Variants in PCDHGB5 observed in about 807,000 individuals in gnomAD.
The protein encoded by PCDHGB5 is protocadherin gamma subfamily B, 5.
In PCDHGB5, 48 loss-of-function variants were observed where a neutral mutation model predicts 62.9. That is an observed-to-expected ratio of 0.76 (90% confidence interval 0.61 to 0.97). The LOEUF is 0.97. Ranked by LOEUF, PCDHGB5 falls within the 50% of genes least tolerant of loss-of-function variation. The pLI is 0.00. For synonymous variants in PCDHGB5, 474 were observed against 511.2 expected, an observed-to-expected ratio of 0.93 and a Z score of 0.98; for missense variants, 1,118 against 1,198.6, an observed-to-expected ratio of 0.93 and a Z score of 0.99.
At position 141,403,513 on chromosome 5, in the gene PCDHGB5, T is replaced by G. The variant is rs754840157; in HGVS notation, c.2397+2989T>G. ...CCCTGAACGTGCAGACTGGAGACAATGGAGCCATAAACCCAGAGCTGGTGC... is the reference window on the plus strand; with the variant it reads ...CCCTGAACGTGCAGACTGGAGACAAGGGAGCCATAAACCCAGAGCTGGTGC... On this transcript the variant is annotated intron_variant, in intron 1 of 3. Coordinates refer to ENST00000617380, the MANE Select transcript of PCDHGB5 (RefSeq NM_018925.3). 8.1e-5 allele frequency: 131 copies of G among 1,613,832 alleles called. 1 individual carries two copies. In the African/African-American group the frequency reaches 1.2e-3, roughly 15 times the overall value.
At chr5:141,407,621 T>C (rs993791058) in intron 1 of PCDHGB5, among the ~76,000 whole-genome samples, 1 of 152,202 alleles carries the variant, frequency 6.6e-6, no homozygotes, top group African/African-American at 2.4e-5. Flanking sequence ...GTTGACATTC[T>C]ATATCTCGTA....
intron 1 of PCDHGB5, chr5:141,422,849 C>A: frequency 1.2e-6 from 2 of 1,614,238 alleles, no homozygotes; most frequent in Non-Finnish European, 8.5e-7. Context: ...AGCGGGGACC[C>A]GCCCCTCAGC....
chr5:141,463,814 C>T (rs1359662651), intron 1 of PCDHGB5, among the ~76,000 whole-genome samples: 7 of 152,188 alleles, frequency 4.6e-5, no homozygotes, highest in African/African-American at 1.7e-4. Flanking sequence ...GCTTTTATCA[C>T]ACATTTTGAT....
At chr5:141,420,088 C>T in intron 1 of PCDHGB5, 5 of 1,614,002 alleles carry the variant, frequency 3.1e-6, no homozygotes, top group Non-Finnish European at 4.2e-6. Context: ...CCCCCAACTA[C>T]AGTGAGGGAA....
chr5:141,483,589 G>A (rs189449393), intron 1 of PCDHGB5, among the ~76,000 whole-genome samples: 17 of 152,214 alleles, frequency 1.1e-4, no homozygotes, highest in Admixed American at 1.1e-3. Context: ...ACACCTAATA[G>A]GTCAGGCTGG....
Position 141,476,294 on chromosome 5 carries a change from A to G in PCDHGB5, c.2398-18513A>G. 6.2e-7 allele frequency: 1 copy of G among 1,613,036 alleles called. No homozygotes were observed. The highest frequency in any genetic ancestry group is 8.5e-7 in the Non-Finnish European group (1 of 1,179,642). On this transcript the variant is annotated intron_variant, in intron 1 of 3. Transcript: ENST00000617380. The surrounding 1 kb of genome is among the most constrained non-coding windows in gnomAD (Gnocchi z 7.6). ...CGCGAACCTTGGTTTGGATCTCGGT[A>G]GCCTCTCAGCCCGCAGGTTCCGGGT...
rs549842756 is a variant in PCDHGB5 at position 141,470,331 on chromosome 5, A to T, written c.2398-24476A>T. ...TTTCCTCAAATGATCCCATAATTTG[A>T]CCTTAGGAAGCTGTTCAAATAGACA... is the stretch of plus-strand genomic sequence containing the variant. On this transcript the variant is annotated intron_variant, in intron 1 of 3. Transcript: ENST00000617380. 3.3e-4 allele frequency among the ~76,000 whole-genome samples: 50 copies of T among 152,244 alleles called. 1 individual carries two copies. Among genetic ancestry groups the T allele is most frequent in the African/African-American group, 1.1e-3 (47 of 41,536 alleles).
chr5:141,438,165 G>GA (rs1252266607), intron 1 of PCDHGB5, among the ~76,000 whole-genome samples: 2 of 152,076 alleles, frequency 1.3e-5, no homozygotes, highest in East Asian at 3.8e-4. Flanking sequence ...AAGCTAATTG[G>GA]AAAAAATATT....
intron 1 of PCDHGB5, chr5:141,404,048 ATTC>A (rs1247713760): frequency 1.9e-6 from 3 of 1,613,866 alleles, no homozygotes; most frequent in South Asian, 1.1e-5. Flanking sequence ...GGGAACAGTA[ATTC>A]TTCTTTTCAA....
intron 1 of PCDHGB5, chr5:141,404,606 G>T: frequency 6.2e-7 from 1 of 1,614,106 alleles, no homozygotes; most frequent in Non-Finnish European, 8.5e-7. Flanking sequence ...GAGACTGTTT[G>T]TTTTGGACCA....
At position 141,399,141 on chromosome 5, in the gene PCDHGB5, C is replaced by T. The variant is rs778835051; in HGVS notation, c.1014C>T (p.Asp338=). ...TVEINIQDEN[D]NSPEVTFHSL... is the part of the protein sequence containing the mutation. ...AAATTAATATTCAAGATGAAAATGA[C>T]AATAGCCCAGAAGTTACATTCCATT... The change falls in exon 1 of 4, where the codon GAC becomes GAT. Residue 338 remains aspartate (D), a synonymous_variant. Coordinates refer to ENST00000617380, the MANE Select transcript of PCDHGB5 (RefSeq NM_018925.3). The T allele has an allele frequency of 1.9e-6, 3 of 1,613,660 alleles. No homozygotes were observed. Among genetic ancestry groups the T allele is most frequent in the African/African-American group, 1.3e-5 (1 of 74,912 alleles).
chr5:141,428,381 C>T, intron 1 of PCDHGB5: 1 of 516,406 alleles, frequency 1.9e-6, no homozygotes, highest in Non-Finnish European at 3.6e-6. Context: ...CTGCGATGCT[C>T]TTCCAGCCCC....
chr5:141,431,473 C>T lies in PCDHGB5; in HGVS notation c.2397+30949C>T, dbSNP rs750300971. ...TGATGGTTCTGGATGCGAACGACAA[C>T]GCACCAGCGTTTGCTCAGCCCGAGT... On this transcript the variant is annotated intron_variant, in intron 1 of 3. Coordinates refer to ENST00000617380, the MANE Select transcript of PCDHGB5 (RefSeq NM_018925.3). This position sits in a 1 kb window ranked among gnomAD's most constrained non-coding sequence, Gnocchi z 4.8. 4.3e-6 allele frequency: 7 copies of T among 1,613,832 alleles called. No individual in the cohort carries two copies. The Admixed American group carries it at 1.2e-4, about 27-fold the overall frequency.
intron 2 of PCDHGB5, 37 bp downstream of exon 2, chr5:141,494,902 C>T (rs2099757367): frequency 1.9e-6 from 3 of 1,614,024 alleles, no homozygotes; most frequent in Non-Finnish European, 2.5e-6. Flanking sequence ...CTCTTCTCTG[C>T]GGCATTTTCT....
Position 141,476,752 on chromosome 5 carries a change from A to T in PCDHGB5, c.2398-18055A>T, listed in dbSNP as rs771355583. On this transcript the variant is annotated intron_variant, in intron 1 of 3. Coordinates refer to ENST00000617380, the MANE Select transcript of PCDHGB5 (RefSeq NM_018925.3). This position sits in a 1 kb window ranked among gnomAD's most constrained non-coding sequence, Gnocchi z 7.6. ...GAGAACGGGAGCCTAGTCTCCAGTTAGTGCTGACGGCGTTGGACGGAGGGA... is the reference window on the plus strand; with the variant it reads ...GAGAACGGGAGCCTAGTCTCCAGTTTGTGCTGACGGCGTTGGACGGAGGGA... 1.2e-6 allele frequency: 2 copies of T among 1,613,926 alleles called. No individual in the cohort carries two copies. Among genetic ancestry groups the T allele is most frequent in the South Asian group, 2.2e-5 (2 of 91,080 alleles).
At chr5:141,407,559 G>A (rs1210777840) in intron 1 of PCDHGB5, among the ~76,000 whole-genome samples, 1 of 151,834 alleles carries the variant, frequency 6.6e-6, no homozygotes, top group African/African-American at 2.4e-5. Context: ...TAGAACATAA[G>A]CTGAAAGATA....
Position 141,480,177 on chromosome 5 carries a change from G to T in PCDHGB5, c.2398-14630G>T, listed in dbSNP as rs570721769. 4.6e-5 allele frequency among the ~76,000 whole-genome samples: 7 copies of T among 152,066 alleles called. No homozygotes were observed. In the South Asian group the frequency reaches 6.3e-4, roughly 14 times the overall value. ...CTAGCATTTTGGGAGGCTGAGGCAGGCGGATTGCTTGAGGCCAGCAGTTCA... is the reference window on the plus strand; with the variant it reads ...CTAGCATTTTGGGAGGCTGAGGCAGTCGGATTGCTTGAGGCCAGCAGTTCA... On this transcript the variant is annotated intron_variant, in intron 1 of 3. Coordinates refer to ENST00000617380, the MANE Select transcript of PCDHGB5 (RefSeq NM_018925.3).
Position 141,477,778 on chromosome 5 carries a change from C to T in PCDHGB5, c.2398-17029C>T, listed in dbSNP as rs866423908. On this transcript the variant is annotated intron_variant, in intron 1 of 3. Transcript: ENST00000617380. This position sits in a 1 kb window ranked among gnomAD's most constrained non-coding sequence, Gnocchi z 4.9. ...TCCTAGCCACCAACATCAGCGTGAA[C>T]ATATTTGTCACTGATCGCAATGACA... 2.5e-6 allele frequency: 4 copies of T among 1,614,052 alleles called. No homozygotes were observed. In the African/African-American group the frequency reaches 5.3e-5, roughly 22 times the overall value.
At position 141,477,130 on chromosome 5, in the gene PCDHGB5, G is replaced by C; in HGVS notation, c.2398-17677G>C. On this transcript the variant is annotated intron_variant, in intron 1 of 3. Coordinates refer to ENST00000617380, the MANE Select transcript of PCDHGB5 (RefSeq NM_018925.3). The surrounding 1 kb of genome is among the most constrained non-coding windows in gnomAD (Gnocchi z 4.9). ...ATCCCGAAGGAGCACATTGCAAAGT[G>C]TTGGTGGAGGTTGTGGATGTGAATG... 6.2e-7 allele frequency: 1 copy of C among 1,614,252 alleles called. No individual in the cohort carries two copies. The highest frequency in any genetic ancestry group is 2.2e-5 in the East Asian group (1 of 44,888).
Sources: gnomAD v4.1 joint callset for allele counts (sites outside exome capture counted in the v4.1 genomes callset) on GRCh38, gnomAD v4.1.1 for gene constraint, Gnocchi (gnomAD v3.1) non-coding constraint, MANE v1.5 for transcripts, NCBI Gene and HGNC (gene_info 2026-07-23, HGNC 2026-07-21) for gene names.